The following RBFOX1 variants were observed in gnomAD, a reference collection of about 807,000 sequenced individuals.
The protein encoded by RBFOX1 is RNA binding fox-1 homolog 1.
A neutral mutation model predicts 57.7 loss-of-function variants in RBFOX1; 8 were observed. The observed-to-expected ratio is 0.14, with a 90% CI of 0.08 to 0.25. The LOEUF (loss-of-function observed/expected upper bound fraction) is 0.25, where lower values mean the gene tolerates loss of function less well. Among genes scored for constraint, RBFOX1 ranks in the 10% least tolerant of loss-of-function variants. The pLI, the probability that RBFOX1 is intolerant of heterozygous loss-of-function variation, is 1.00. For missense variants in RBFOX1, 611 were observed against 548.5 expected (o/e 1.11, Z -1.14); for synonymous variants, 326 against 222.4 (o/e 1.47, Z -4.15).
In RBFOX1 at chr16:7,630,783, C is replaced by G. The variant is rs544555238; in HGVS notation, c.757+100C>G. On this transcript the variant is annotated intron_variant, in intron 11 of 15. Transcript: ENST00000550418. ...TCTCTCCCCCTCCCTCTGCCCCACC[C>G]TCTCTTGTGGCTCTCTCTGAGGTGA... 7.0e-5 allele frequency: 107 copies of G among 1,537,666 alleles called. No individual in the cohort carries two copies. In the African/African-American group the frequency reaches 1.4e-3, roughly 21 times the overall value.
intron 4 of RBFOX1, among the ~76,000 whole-genome samples, chr16:7,205,678 A>G (rs908650717): frequency 6.6e-6 from 1 of 152,218 alleles, no homozygotes; most frequent in Non-Finnish European, 1.5e-5. Flanking sequence ...GTCATTAATA[A>G]CATTGACGTA....
At chr16:6,383,620 A>G (rs1039499946) in intron 2 of RBFOX1, among the ~76,000 whole-genome samples, 2 of 152,120 alleles carry the variant, frequency 1.3e-5, no homozygotes, top group Non-Finnish European at 2.9e-5. Flanking sequence ...TGAAAATACA[A>G]AAATTAGCCG....
chr16:6,351,323 C>CGTGTGTGT lies in RBFOX1; in HGVS notation c.-64+34289_-64+34296dup, dbSNP rs71406370. On this transcript the variant is annotated intron_variant, in intron 2 of 15. Coordinates refer to ENST00000550418, the MANE Select transcript of RBFOX1 (RefSeq NM_018723.4). ...GTATACATAAAATATATATATATAA[C>CGTGTGTGT]GTGTGTGTGTGTGTGTGTGTGTGTG... 1.7e-4 allele frequency among the ~76,000 whole-genome samples: 19 copies of CGTGTGTGT among 112,918 alleles called. 2 individuals are homozygous for CGTGTGTGT. Among genetic ancestry groups the CGTGTGTGT allele is most frequent in the South Asian group, 1.5e-3 (5 of 3,444 alleles). 74.1% of individuals were successfully genotyped at this position (112,918 alleles called of 152,430 possible).
chr16:7,407,373 GGTGTGTGTGTGTGTGTGTGT>G lies in RBFOX1; in HGVS notation c.28-110761_28-110742del, dbSNP rs77358035. Among the ~76,000 whole-genome samples, 4 of 149,662 alleles carry G rather than the reference GGTGTGTGTGTGTGTGTGTGT, an allele frequency of 2.7e-5. No homozygotes were observed. In the East Asian group the frequency reaches 8.0e-4, roughly 30 times the overall value. ...ATTTTGACTTCAAGGGATTTGTATG[GGTGTGTGTGTGTGTGTGTGT>G]GTGTGTGTGTGTATGTGTGTGGTGC... On this transcript the variant is annotated intron_variant, in intron 4 of 15. Coordinates refer to ENST00000550418, the MANE Select transcript of RBFOX1 (RefSeq NM_018723.4).
chr16:7,481,260 C>T lies in RBFOX1; in HGVS notation c.28-36887C>T, dbSNP rs146854291. The stretch of plus-strand genomic sequence containing the variant: ...ACAGCAAGAAACATAGAGCCCCCGT[C>T]TTCAGGGTGCTTACGGTTTTGTGGA... On this transcript the variant is annotated intron_variant, in intron 4 of 15. Coordinates refer to ENST00000550418, the MANE Select transcript of RBFOX1 (RefSeq NM_018723.4). Among the ~76,000 whole-genome samples the T allele has an allele frequency of 1.7e-4, 26 of 152,268 alleles. No homozygotes were observed. The East Asian group carries it at 4.6e-3, about 27-fold the overall frequency.
chr16:7,508,587 T>C (rs1411744383), intron 4 of RBFOX1, among the ~76,000 whole-genome samples: 2 of 152,178 alleles, frequency 1.3e-5, no homozygotes, highest in Non-Finnish European at 2.9e-5. Context: ...TGTGATGCAT[T>C]GCAGAGATCC....
intron 4 of RBFOX1, among the ~76,000 whole-genome samples, chr16:7,110,562 G>C (rs2064537431): frequency 6.6e-6 from 1 of 152,112 alleles, no homozygotes; most frequent in African/African-American, 2.4e-5. Flanking sequence ...AGTACACAGT[G>C]GCTAATAGCT....
At chr16:6,759,712 T>C (rs777725796) in intron 3 of RBFOX1, among the ~76,000 whole-genome samples, 1 of 152,170 alleles carries the variant, frequency 6.6e-6, no homozygotes, top group Non-Finnish European at 1.5e-5. Flanking sequence ...TTTAATAGAA[T>C]AACAGTGCAT....
chr16:5,562,546 TTGGGATCAGAGGATTACCCACTA>T (rs2045927176), intron 2 of RBFOX1, among the ~76,000 whole-genome samples: 1 of 152,082 alleles, frequency 6.6e-6, no homozygotes, highest in Non-Finnish European at 1.5e-5. Flanking sequence ...GGGGTTGGTC[TTGGGATCAGAGGATTACCCACTA>T]TGGCAGAACT....
chr16:6,354,710 A>G (rs796099397), intron 2 of RBFOX1, among the ~76,000 whole-genome samples: 25 of 152,258 alleles, frequency 1.6e-4, no homozygotes, highest in African/African-American at 5.8e-4. Flanking sequence ...TGTACCTGGA[A>G]CATTTCTCCT....
chr16:6,609,283 T>C (rs1406962904), intron 2 of RBFOX1, among the ~76,000 whole-genome samples: 1 of 152,150 alleles, frequency 6.6e-6, no homozygotes, highest in East Asian at 1.9e-4. Flanking sequence ...TGGCTGGGTA[T>C]GGAGTGTAGT....
intron 2 of RBFOX1, among the ~76,000 whole-genome samples, chr16:5,522,574 T>C (rs2044063266): frequency 6.6e-6 from 1 of 152,192 alleles, no homozygotes; most frequent in East Asian, 1.9e-4. Context: ...CTAGCTATTT[T>C]GAGATATACA....
At position 5,968,231 on chromosome 16, in the gene RBFOX1, T is replaced by G. The variant is rs139859378; in HGVS notation, c.351+100896T>G. On this transcript the variant is annotated intron_variant, in intron 4 of 19. Transcript: ENST00000641259. Reference sequence around the variant, plus strand: ...CTGGGATTATGGGCATGTACCACCATGCCCGGTTAATTTTTGTATTTTTAG... The same window carrying G: ...CTGGGATTATGGGCATGTACCACCAGGCCCGGTTAATTTTTGTATTTTTAG... 5.9e-5 allele frequency among the ~76,000 whole-genome samples: 9 copies of G among 151,994 alleles called. No individual in the cohort carries two copies. The East Asian group carries it at 1.7e-3, about 29-fold the overall frequency.
intron 4 of RBFOX1, among the ~76,000 whole-genome samples, chr16:7,499,948 A>G (rs1232253352): frequency 6.6e-6 from 1 of 152,030 alleles, no homozygotes; most frequent in African/African-American, 2.4e-5. Context: ...ATTTACCAAT[A>G]AGGGAAACAT....
chr16:5,607,663 G>C (rs1023082735), intron 3 of RBFOX1, among the ~76,000 whole-genome samples: 5 of 152,108 alleles, frequency 3.3e-5, no homozygotes, highest in Admixed American at 3.3e-4. Flanking sequence ...CAGCTCTGTT[G>C]ATGTAAACTG....
chr16:7,160,706 C>G (rs945151439), intron 4 of RBFOX1, among the ~76,000 whole-genome samples: 6 of 151,914 alleles, frequency 3.9e-5, no homozygotes, highest in African/African-American at 1.2e-4. Context: ...TTCTGTAACT[C>G]CTGTGCTACA....
intron 3 of RBFOX1, among the ~76,000 whole-genome samples, chr16:6,859,152 T>TATATATATGTATATATATAC (rs1491258507): frequency 1.3e-5 from 1 of 77,142 alleles, no homozygotes; most frequent in African/African-American, 6.6e-5. Context: ...TATATATATA[T>TATATATATGTATATATATAC]GTATATATAT....
At chr16:6,720,433 C>G (rs1359469312) in intron 3 of RBFOX1, among the ~76,000 whole-genome samples, 2 of 152,148 alleles carry the variant, frequency 1.3e-5, no homozygotes, top group African/African-American at 4.8e-5. Flanking sequence ...ATTACCCACT[C>G]TCAGGTAGTT....
intron 3 of RBFOX1, among the ~76,000 whole-genome samples, chr16:6,831,274 C>T (rs771210191): frequency 1.3e-5 from 2 of 152,178 alleles, no homozygotes; most frequent in Admixed American, 6.6e-5. Flanking sequence ...TCACCCAGGT[C>T]TTATAGTCCA....
Sources: gnomAD v4.1 joint callset for allele counts (sites outside exome capture counted in the v4.1 genomes callset) on GRCh38, gnomAD v4.1.1 for gene constraint, MANE v1.5 for transcripts, NCBI Gene and HGNC (gene_info 2026-07-23, HGNC 2026-07-21) for gene names.